The following PCSK6 variants were observed in gnomAD, a reference collection of about 807,000 sequenced individuals.
PCSK6 encodes paired basic amino acid cleaving enzyme 4.
Under a neutral mutation model 123.3 loss-of-function variants are expected in PCSK6, and 85 were observed. That is an observed-to-expected ratio of 0.69 (90% CI 0.58 to 0.83). PCSK6 has a LOEUF of 0.83. Among genes scored for constraint, PCSK6 ranks in the 40% least tolerant of loss-of-function variants. The pLI is 0.00. For synonymous variants in PCSK6, 508 were observed against 516.0 expected (o/e 0.98, Z 0.21); for missense variants, 1,191 against 1,282.3 (o/e 0.93, Z 1.09).
chr15:101,370,365 G>A lies in PCSK6; in HGVS notation c.1691C>T (p.Ser564Leu), dbSNP rs777354632. 3.0e-5 allele frequency: 46 copies of A among 1,552,400 alleles called. No homozygotes were observed. The highest frequency in any genetic ancestry group is 9.8e-5 in the Admixed American group (5 of 51,054). The change falls in exon 12 of 22, where the codon TCG becomes TTG. Residue 564 changes from serine (S) to leucine (L), a missense_variant. This residue lies in a region of PCSK6 where 630 missense variants were observed against 631.4 expected (regional missense o/e 1.00). Coordinates refer to ENST00000611716, the MANE Select transcript of PCSK6 (RefSeq NM_002570.5). ...GDLQIYLVSP[S>L]GTKSQLLAKR... ...TGCCAGAAGTTGAGACTTGGTTCCC[G>A]AGGGAGAAACCAGGTAGATCTGGAG...
intron 11 of PCSK6, among the ~76,000 whole-genome samples, chr15:101,381,038 A>G (rs563193271): frequency 9.4e-4 from 142 of 151,060 alleles, no homozygotes; most frequent in Non-Finnish European, 1.1e-3. Flanking sequence ...TTGCTTTCTG[A>G]TTTACTTTAT....
chr15:101,394,537 C>A (rs539846622), intron 7 of PCSK6, among the ~76,000 whole-genome samples: 3 of 152,180 alleles, frequency 2.0e-5, no homozygotes, highest in African/African-American at 4.8e-5. Flanking sequence ...TCCACCTCCA[C>A]GGGAAACTGG....
chr15:101,334,530 T>C (rs542941487), intron 13 of PCSK6: 1 of 152,170 alleles, frequency 6.6e-6, no homozygotes, highest in South Asian at 2.1e-4. Context: ...AACCTCTGAC[T>C]CTCCTCAGCT....
At chr15:101,418,589 T>G (rs1158187064) in intron 6 of PCSK6, among the ~76,000 whole-genome samples, 3 of 151,566 alleles carry the variant, frequency 2.0e-5, no homozygotes, top group African/African-American at 4.9e-5. Context: ...CTCGACTCAC[T>G]GCAGCCTTTG....
At chr15:101,345,760 C>A (rs757117007) in intron 13 of PCSK6, among the ~76,000 whole-genome samples, 4 of 152,208 alleles carry the variant, frequency 2.6e-5, no homozygotes, top group East Asian at 1.9e-4. Context: ...CTCCGCCTCC[C>A]GGGTTCAAGT....
At position 101,356,066 on chromosome 15, in the gene PCSK6, G is replaced by A. The variant is rs141281705; in HGVS notation, c.1858+10130C>T. ...TGACGTGGGAGAATGAAGCATACAT[G>A]TTTCTCAGAGAATAGACACTTTCTG... On this transcript the variant is annotated intron_variant, in intron 13 of 21. Transcript: ENST00000611716. Among the ~76,000 whole-genome samples the A allele has an allele frequency of 2.6e-3, 401 of 152,326 alleles. 5 individuals are homozygous for A. Among genetic ancestry groups the A allele is most frequent in the African/African-American group, 8.9e-3 (371 of 41,558 alleles).
intron 1 of PCSK6, among the ~76,000 whole-genome samples, chr15:101,454,597 T>C (rs947699178): frequency 1.1e-4 from 17 of 152,278 alleles, no homozygotes; most frequent in Admixed American, 8.5e-4. Flanking sequence ...CAGAATGTGG[T>C]TGCCAGGGGC....
At chr15:101,339,216 T>C (rs893654706) in intron 13 of PCSK6, among the ~76,000 whole-genome samples, 1 of 152,230 alleles carries the variant, frequency 6.6e-6, no homozygotes, top group Non-Finnish European at 1.5e-5. Flanking sequence ...TTCCTGGGTT[T>C]TCCTGGCTAT....
chr15:101,313,467 A>G lies in PCSK6; in HGVS notation c.2608T>C (p.Phe870Leu). The G allele has an allele frequency of 7.5e-6, 12 of 1,610,472 alleles. No individual in the cohort carries two copies. Among genetic ancestry groups the G allele is most frequent in the Non-Finnish European group, 1.0e-5 (12 of 1,179,716 alleles). The change falls in exon 20 of 22, where the codon TTC becomes CTC. Residue 870 changes from phenylalanine to leucine, a missense_variant. Coordinates refer to ENST00000611716, the MANE Select transcript of PCSK6 (RefSeq NM_002570.5). ...REECIHCAKN[F>L]HFHDWKCVPA... is the part of the protein sequence containing the mutation. ...ACACACTTCCAGTCGTGGAAGTGGA[A>G]GTTTTTCGCACAGTGAATGCACTCT...
At chr15:101,394,146 T>TG (rs1329180144) in intron 7 of PCSK6, among the ~76,000 whole-genome samples, 6 of 149,032 alleles carry the variant, frequency 4.0e-5, no homozygotes, top group African/African-American at 9.9e-5. Context: ...TGTTTTTTGT[T>TG]TTTTTTTTTT....
At chr15:101,485,467 T>C (rs1007531389) in intron 1 of PCSK6, among the ~76,000 whole-genome samples, 3 of 152,238 alleles carry the variant, frequency 2.0e-5, no homozygotes, top group African/African-American at 7.2e-5. Flanking sequence ...TTTATTTTCA[T>C]AACTTGTGTA....
At chr15:101,376,873 T>C (rs2041761050) in intron 11 of PCSK6, among the ~76,000 whole-genome samples, 1 of 152,084 alleles carries the variant, frequency 6.6e-6, no homozygotes, top group Admixed American at 6.5e-5. Flanking sequence ...ATGCTCTGTA[T>C]AACAACAGCC....
At chr15:101,347,058 CTGTT>C (rs373682780) in intron 13 of PCSK6, 10 of 1,231,560 alleles carry the variant, frequency 8.1e-6, no homozygotes, top group Non-Finnish European at 1.0e-5. Context: ...TGTATGGTGA[CTGTT>C]TGGAGAGTGT....
At chr15:101,451,951 A>G (rs2132194) in intron 1 of PCSK6, among the ~76,000 whole-genome samples, 52,568 of 151,898 alleles carry the variant, frequency 0.35, 9,485 homozygotes, top group African/African-American at 0.47. Flanking sequence ...GAAGTCCAGA[A>G]AGAGAGAGAG....
intron 8 of PCSK6, among the ~76,000 whole-genome samples, chr15:101,389,881 C>T (rs1476337507): frequency 6.6e-6 from 1 of 152,146 alleles, no homozygotes; most frequent in African/African-American, 2.4e-5. Context: ...GGTAAAACAA[C>T]ATGAAACCAA....
In PCSK6 at chr15:101,305,101, C is replaced by T. The variant is rs1434717348; in HGVS notation, c.*157G>A. 8.1e-6 allele frequency: 5 copies of T among 619,768 alleles called. No homozygotes were observed. Among genetic ancestry groups the T allele is most frequent in the Non-Finnish European group, 1.4e-5 (5 of 350,386 alleles). The allele number at this position is 619,768 out of a possible 1,614,324, so 38.4% of individuals were successfully genotyped here. ...AGGAACACCTCCTTAAGAGCCACCA[C>T]CCACCTGGCTTGGGTGCTCAGAGAT... On this transcript the variant is annotated 3_prime_UTR_variant, in exon 22 of 22. Coordinates refer to ENST00000611716, the MANE Select transcript of PCSK6 (RefSeq NM_002570.5). The surrounding 1 kb of genome is among the most constrained non-coding windows in gnomAD (Gnocchi z 4.8).
intron 11 of PCSK6, among the ~76,000 whole-genome samples, chr15:101,372,933 C>A (rs1272047709): frequency 6.6e-6 from 1 of 152,076 alleles, no homozygotes; most frequent in Non-Finnish European, 1.5e-5. Flanking sequence ...TAGAAATAGA[C>A]CTGGAATCCT....
intron 9 of PCSK6, among the ~76,000 whole-genome samples, 196 bp from the exon 10 acceptor site, chr15:101,384,621 G>GA (rs1440776484): frequency 1.3e-5 from 2 of 152,048 alleles, no homozygotes; most frequent in Non-Finnish European, 2.9e-5. Flanking sequence ...AATCCTGAGG[G>GA]AAAAAAAGGT....
At chr15:101,353,358 T>C (rs1468864159) in intron 13 of PCSK6, among the ~76,000 whole-genome samples, 2 of 151,976 alleles carry the variant, frequency 1.3e-5, no homozygotes, top group Non-Finnish European at 2.9e-5. Context: ...GAAGTGGGAG[T>C]GACAGGGAGC....
Sources: gnomAD v4.1 joint callset for allele counts (sites outside exome capture counted in the v4.1 genomes callset) on GRCh38, gnomAD v4.1.1 for gene constraint, gnomAD v4.1.1 regional missense constraint, Gnocchi (gnomAD v3.1) non-coding constraint, MANE v1.5 for transcripts, NCBI Gene and HGNC (gene_info 2026-07-23, HGNC 2026-07-21) for gene names.